Variants in SNX29 observed in about 807,000 individuals in gnomAD.
SNX29 encodes sorting nexin-29.
SNX29 carries 78 observed loss-of-function variants against 102.1 expected under a neutral mutation model. The observed-to-expected ratio is 0.76, with a 90% CI of 0.64 to 0.92. SNX29 has a LOEUF of 0.92. SNX29 is among the 40% of genes least tolerant of loss of function. The pLI is 0.00. For synonymous variants in SNX29, 580 were observed against 414.5 expected (o/e 1.40, Z -4.85); for missense variants, 1,280 against 1,061.7 (o/e 1.21, Z -2.86).
At chr16:12,197,661 G>A (rs551513488) in intron 13 of SNX29, among the ~76,000 whole-genome samples, 1 of 152,198 alleles carries the variant, frequency 6.6e-6, no homozygotes, top group African/African-American at 2.4e-5. Flanking sequence ...TTGTTATTTT[G>A]TGTCAAACAT....
chr16:12,331,068 G>A (rs2081278249), intron 15 of SNX29, among the ~76,000 whole-genome samples: 2 of 152,220 alleles, frequency 1.3e-5, no homozygotes, highest in South Asian at 2.1e-4. Flanking sequence ...CTGTGTCTGT[G>A]TTTGGAAGGG....
chr16:11,976,851 G>C, intron 1 of SNX29, 38 bp downstream of exon 1: 1 of 1,336,358 alleles, frequency 7.5e-7, no homozygotes, highest in South Asian at 1.9e-5. Flanking sequence ...TGCCCCGGCC[G>C]CCCCGGCTCC....
rs1016452362 is a variant in SNX29 at position 12,336,218 on chromosome 16, T to C, written c.1783-19945T>C. 2.6e-5 allele frequency among the ~76,000 whole-genome samples: 4 copies of C among 151,874 alleles called. No individual in the cohort carries two copies. In the East Asian group the frequency reaches 5.8e-4, roughly 22 times the overall value. Reference sequence around the variant, plus strand: ...GCTTCATATTGCGGGTCTTCCAGCCTGTAGGGAGAAAGCTTTGGTTTGGCG... The same window carrying C: ...GCTTCATATTGCGGGTCTTCCAGCCCGTAGGGAGAAAGCTTTGGTTTGGCG... On this transcript the variant is annotated intron_variant, in intron 15 of 20. Coordinates refer to ENST00000566228, the MANE Select transcript of SNX29 (RefSeq NM_032167.5).
chr16:12,343,964 G>T (rs2081695337), intron 15 of SNX29, among the ~76,000 whole-genome samples: 1 of 152,172 alleles, frequency 6.6e-6, no homozygotes, highest in African/African-American at 2.4e-5. Context: ...ACATGTTGTG[G>T]GAGGGACCCA....
chr16:12,204,382 T>G (rs2076993791), intron 14 of SNX29, among the ~76,000 whole-genome samples: 1 of 152,340 alleles, frequency 6.6e-6, no homozygotes, highest in Non-Finnish European at 1.5e-5. Flanking sequence ...GGCGATTATT[T>G]CTGTGGAATT....
At chr16:12,554,240 G>T (rs7189915) in intron 20 of SNX29, among the ~76,000 whole-genome samples, 1 of 152,124 alleles carries the variant, frequency 6.6e-6, no homozygotes, top group Non-Finnish European at 1.5e-5. Context: ...CATCTCCCTC[G>T]GCTGCATCGT....
At position 12,524,685 on chromosome 16, in the gene SNX29, G is replaced by A. The variant is rs151130044; in HGVS notation, c.2179-17G>A. 2,050 of 1,612,188 alleles carry A rather than the reference G, an allele frequency of 1.3e-3. 27 individuals are homozygous for A. The African/African-American group carries it at 0.025, about 19-fold the overall frequency. ...GAGGAAGACGTACCAAAGCGAAGAT[G>A]TTTTGTGTTTCCTCAGGATGCCAAG... is the stretch of plus-strand genomic sequence containing the variant. On this transcript the variant is annotated splice_polypyrimidine_tract_variant and intron_variant, in intron 19 of 20. Transcript: ENST00000566228.
chr16:12,455,547 G>T (rs1018054895), intron 18 of SNX29, among the ~76,000 whole-genome samples: 1 of 152,218 alleles, frequency 6.6e-6, no homozygotes, highest in Non-Finnish European at 1.5e-5. Context: ...TCCCTGAGTT[G>T]TGGATCCCGG....
intron 11 of SNX29, chr16:12,090,262 C>T (rs972177651): frequency 2.6e-5 from 4 of 152,294 alleles, no homozygotes; most frequent in African/African-American, 9.6e-5. Context: ...AGGCATTAGA[C>T]TTGAGTGTGG....
At chr16:12,104,121 T>TACC (rs1416310320) in intron 11 of SNX29, among the ~76,000 whole-genome samples, 2 of 152,164 alleles carry the variant, frequency 1.3e-5, no homozygotes, top group African/African-American at 4.8e-5. Flanking sequence ...CTTGATCCCA[T>TACC]ACCATCTGGC....
At chr16:12,118,134 C>T (rs1449666457) in intron 11 of SNX29, among the ~76,000 whole-genome samples, 1 of 151,864 alleles carries the variant, frequency 6.6e-6, no homozygotes, top group Non-Finnish European at 1.5e-5. Context: ...TCAGCTGTGC[C>T]ACCGCTCCCC....
At chr16:12,124,463 G>T (rs1387689329) in intron 11 of SNX29, among the ~76,000 whole-genome samples, 1 of 152,134 alleles carries the variant, frequency 6.6e-6, no homozygotes, top group Non-Finnish European at 1.5e-5. Flanking sequence ...TGTGTTAGAT[G>T]TGCCCTTGAT....
intron 13 of SNX29, among the ~76,000 whole-genome samples, chr16:12,138,179 A>C (rs768376467): frequency 2.7e-4 from 29 of 108,154 alleles, no homozygotes; most frequent in Non-Finnish European, 4.7e-4. Context: ...ATTGTACACG[A>C]GACTGAAAAA....
At chr16:12,418,372 A>ATTT (rs34752243) in intron 18 of SNX29, among the ~76,000 whole-genome samples, 5 of 149,882 alleles carry the variant, frequency 3.3e-5, no homozygotes, top group African/African-American at 1.2e-4. Context: ...GATTGTATTT[A>ATTT]TTTTTTTTTT....
Position 12,572,000 on chromosome 16 carries a change from C to T in SNX29, c.*3371C>T. On this transcript the variant is annotated 3_prime_UTR_variant, in exon 21 of 21. Coordinates refer to ENST00000566228, the MANE Select transcript of SNX29 (RefSeq NM_032167.5). ...CATCTTCACATCCAGTCACCAGTTG[C>T]ATCTAGGGAGCTGCTGGCTATAAAA... 9.4e-7 allele frequency: 1 copy of T among 1,062,330 alleles called. No individual in the cohort carries two copies. The allele number at this position is 1,062,330 out of a possible 1,614,324, so 65.8% of individuals were successfully genotyped here.
At chr16:12,131,283 A>T (rs957607900) in intron 13 of SNX29, among the ~76,000 whole-genome samples, 1 of 152,146 alleles carries the variant, frequency 6.6e-6, no homozygotes, top group Non-Finnish European at 1.5e-5. Flanking sequence ...AAGCCATTTT[A>T]TTTCCTTTTC....
At chr16:12,323,989 A>G (rs1401893696) in intron 15 of SNX29, among the ~76,000 whole-genome samples, 1 of 152,162 alleles carries the variant, frequency 6.6e-6, no homozygotes, top group East Asian at 1.9e-4. Flanking sequence ...TCTGTGATCA[A>G]ACTGATCCTA....
chr16:12,555,522 C>T (rs148819672), intron 20 of SNX29, among the ~76,000 whole-genome samples: 1 of 151,600 alleles, frequency 6.6e-6, no homozygotes, highest in African/African-American at 2.4e-5. Flanking sequence ...CTGGACAGCG[C>T]CCCTGCTCTC....
In SNX29 at chr16:12,536,809, C is replaced by G. The variant is rs540011922; in HGVS notation, c.2318+11968C>G. 3.9e-5 allele frequency among the ~76,000 whole-genome samples: 6 copies of G among 152,218 alleles called. No individual in the cohort carries two copies. The East Asian group carries it at 5.8e-4, about 15-fold the overall frequency. ...TGGCCAACATGGTAAAACCCCATCTCTATTAAAACTGCAAAAATTAGCCAG... is the reference window on the plus strand; with the variant it reads ...TGGCCAACATGGTAAAACCCCATCTGTATTAAAACTGCAAAAATTAGCCAG... On this transcript the variant is annotated intron_variant, in intron 20 of 20. Coordinates refer to ENST00000566228, the MANE Select transcript of SNX29 (RefSeq NM_032167.5).
Sources: allele counts gnomAD v4.1 joint callset (sites outside exome capture counted in the v4.1 genomes callset), GRCh38; gene constraint gnomAD v4.1.1; transcripts MANE v1.5; gene names NCBI Gene and HGNC (gene_info 2026-07-23, HGNC 2026-07-21).